The following C4orf51 variants were observed in gnomAD, a reference collection of about 807,000 sequenced individuals.
C4orf51 encodes the protein chromosome 4 open reading frame 51, also known as uncharacterized protein C4orf51.
Under a neutral mutation model 25.2 loss-of-function variants are expected in C4orf51, and 25 were observed. That is an observed-to-expected ratio of 0.99 (90% CI 0.72 to 1.39). The LOEUF (loss-of-function observed/expected upper bound fraction) is 1.39, where lower values mean the gene tolerates loss of function less well. C4orf51 is among the 40% of genes most tolerant of loss of function. C4orf51 has a pLI of 0.00. For synonymous variants in C4orf51, 100 were observed against 84.5 expected (o/e 1.18, Z -1.01); for missense variants, 252 against 239.6 (o/e 1.05, Z -0.34).
rs1316998803 is a variant in C4orf51 at position 145,726,917 on chromosome 4, T to A, written c.314T>A (p.Phe105Tyr). Residue 105 changes from phenylalanine to tyrosine, a missense_variant, in exon 3 of 6, where the codon TTC (phenylalanine) becomes TAC (tyrosine). Phe to Tyr is a conservative substitution (Grantham distance 22, BLOSUM62 3). Transcript: ENST00000438731. Reference protein sequence around the residue: ...TQETTDIKGLFPDITRPFKKS... With the variant: ...TQETTDIKGLYPDITRPFKKS... ...CCTCTTCATGTGCATGCAGGACTAT[T>A]CCCTGATATAACCAGGCCCTTTAAA... 6.2e-7 allele frequency: 1 copy of A among 1,612,872 alleles called. No homozygotes were observed. Among genetic ancestry groups the A allele is most frequent in the Admixed American group, 1.7e-5 (1 of 60,004 alleles).
At position 145,761,090 on chromosome 4, in the gene C4orf51, G is replaced by A. The variant is rs1343037790; in HGVS notation, n.167-9898G>A. 4 of 1,289,582 alleles carry A rather than the reference G, an allele frequency of 3.1e-6. No individual in the cohort carries two copies. Among genetic ancestry groups the A allele is most frequent in the Middle Eastern group, 2.1e-4 (1 of 4,692 alleles). 79.9% of individuals were successfully genotyped at this position (1,289,582 alleles called of 1,614,324 possible). A position where few individuals can be genotyped will look rare whatever the true frequency, so the allele number is the denominator to read the frequency against. On this transcript the variant is annotated intron_variant and non_coding_transcript_variant, in intron 1 of 1. Coordinates refer to the C4orf51 transcript ENST00000510096. This position sits in a 1 kb window ranked among gnomAD's most constrained non-coding sequence, Gnocchi z 6.8. Reference sequence around the variant, plus strand: ...GCAGACATAACTGACAGGGGAGACAGGAGATTCCGGGAGCTCCCGACCACC... The same window carrying A: ...GCAGACATAACTGACAGGGGAGACAAGAGATTCCGGGAGCTCCCGACCACC...
downstream of C4orf51, among the ~76,000 whole-genome samples, chr4:145,735,773 G>T (rs972516622): frequency 3.3e-5 from 5 of 152,004 alleles, no homozygotes; most frequent in African/African-American, 1.2e-4. Context: ...TTCCATAATT[G>T]CAGGCAAAGC....
chr4:145,683,579 G>A (rs148497921), intron 1 of C4orf51, among the ~76,000 whole-genome samples: 5 of 152,272 alleles, frequency 3.3e-5, no homozygotes, highest in African/African-American at 1.2e-4. Flanking sequence ...AGAGAGCCCA[G>A]AAATAGGTAC....
chr4:145,749,829 T>C (rs1185862141), intron 1 of C4orf51, among the ~76,000 whole-genome samples: 1 of 151,984 alleles, frequency 6.6e-6, no homozygotes, highest in Non-Finnish European at 1.5e-5. Context: ...AGAGACGGGG[T>C]TTCACTGTGT....
At chr4:145,756,796 A>G (rs1733980619), downstream of C4orf51, among the ~76,000 whole-genome samples, 1 of 152,242 alleles carries the variant, frequency 6.6e-6, no homozygotes, top group African/African-American at 2.4e-5. Context: ...ATGAAAAAAT[A>G]AAAGAGAAAA....
chr4:145,738,295 C>T (rs1196770650), intron 1 of C4orf51, among the ~76,000 whole-genome samples: 1 of 151,952 alleles, frequency 6.6e-6, no homozygotes, highest in East Asian at 1.9e-4. Context: ...ACTAAAAACA[C>T]AAAAATTACC....
chr4:145,782,347 T>G, the C4orf51 span, among the ~76,000 whole-genome samples: 1 of 152,186 alleles, frequency 6.6e-6, no homozygotes, highest in Non-Finnish European at 1.5e-5. Flanking sequence ...CCGTTCTTTT[T>G]TCCAGGAGCT....
intron 1 of C4orf51, among the ~76,000 whole-genome samples, chr4:145,764,148 G>A (rs1449590589): frequency 1.3e-5 from 2 of 152,142 alleles, no homozygotes; most frequent in Admixed American, 1.3e-4. Flanking sequence ...CAACATGATC[G>A]TTTAGCTGAG....
At chr4:145,748,170 G>A (rs536621370) in intron 1 of C4orf51, among the ~76,000 whole-genome samples, 59 of 151,964 alleles carry the variant, frequency 3.9e-4, no homozygotes, top group African/African-American at 1.2e-3. Context: ...TCCAATTTAC[G>A]GGTATCTAGT....
rs771742354 is a variant in C4orf51, at chr4:145,732,576, C to CT, written c.*16_*17insT. ...ATTTAACTGAGTTGGAAAATGAAGC[C>CT]ACAAGGCTGGAGGCGTGGAGTTTGC... is the stretch of plus-strand genomic sequence containing the variant. On this transcript the variant is annotated 3_prime_UTR_variant, in exon 6 of 6. Coordinates refer to ENST00000438731, the MANE Select transcript of C4orf51 (RefSeq NM_001080531.3). The CT allele has an allele frequency of 1.3e-6, 2 of 1,577,094 alleles. No individual in the cohort carries two copies. Among genetic ancestry groups the CT allele is most frequent in the African/African-American group, 2.7e-5 (2 of 74,178 alleles).
intron 3 of C4orf51, among the ~76,000 whole-genome samples, chr4:145,728,154 C>T (rs1170656696): frequency 2.0e-5 from 3 of 150,312 alleles, no homozygotes; most frequent in South Asian, 4.2e-4. Flanking sequence ...GTTTTTGTAG[C>T]TGTAAAATCA....
intron 2 of C4orf51, among the ~76,000 whole-genome samples, chr4:145,721,344 CAA>C (rs11299166): frequency 4.5e-4 from 48 of 107,336 alleles, no homozygotes; most frequent in South Asian, 6.3e-4. Flanking sequence ...GACTCTGTCT[CAA>C]AAAAAAAAAA....
chr4:145,774,721 T>G, downstream of C4orf51: 2 of 1,579,820 alleles, frequency 1.3e-6, no homozygotes, highest in Non-Finnish European at 1.7e-6. Flanking sequence ...GGGTGACACA[T>G]ACTTCTAAAT....
chr4:145,744,274 T>C (rs1357602603), intron 1 of C4orf51, among the ~76,000 whole-genome samples: 1 of 152,090 alleles, frequency 6.6e-6, no homozygotes, highest in Non-Finnish European at 1.5e-5. Flanking sequence ...AACTTTGGGC[T>C]CTGAAGAAAA....
chr4:145,773,312 A>G (rs1039627816), downstream of C4orf51, among the ~76,000 whole-genome samples: 3 of 152,198 alleles, frequency 2.0e-5, no homozygotes, highest in Admixed American at 2.0e-4. Flanking sequence ...GGCTCTCTGC[A>G]GACCTCCAAG....
chr4:145,733,228 T>G (rs941452129), downstream of C4orf51, among the ~76,000 whole-genome samples: 3 of 150,962 alleles, frequency 2.0e-5, no homozygotes, highest in South Asian at 4.2e-4. Flanking sequence ...GGCCGTCTCC[T>G]TCTTCCTCCA....
intron 1 of C4orf51, among the ~76,000 whole-genome samples, chr4:145,770,779 A>T (rs1402517694): frequency 6.6e-6 from 1 of 152,250 alleles, no homozygotes; most frequent in Non-Finnish European, 1.5e-5. Context: ...GGTAAAATTA[A>T]TATTTCACTA....
At chr4:145,745,872 C>T (rs780943138) in intron 1 of C4orf51, among the ~76,000 whole-genome samples, 9 of 152,172 alleles carry the variant, frequency 5.9e-5, no homozygotes, top group South Asian at 4.1e-4. Flanking sequence ...TCTCTACATC[C>T]TCACCAGCAT....
At chr4:145,720,484 G>T (rs1167021878) in intron 2 of C4orf51, among the ~76,000 whole-genome samples, 1 of 152,196 alleles carries the variant, frequency 6.6e-6, no homozygotes, top group Non-Finnish European at 1.5e-5. Context: ...TTCTGTGAGT[G>T]ACTCCACACA....
Sources: gnomAD v4.1 joint callset for allele counts (sites outside exome capture counted in the v4.1 genomes callset) on GRCh38, gnomAD v4.1.1 for gene constraint, Gnocchi (gnomAD v3.1) non-coding constraint, MANE v1.5 for transcripts, NCBI Gene and HGNC (gene_info 2026-07-23, HGNC 2026-07-21) for gene names.